TUBGCP3: variants seen among roughly 807,000 people sequenced by gnomAD.
The protein encoded by TUBGCP3 is gamma-tubulin complex component 3.
A neutral mutation model predicts 123.1 loss-of-function variants in TUBGCP3; 50 were observed. That is an observed-to-expected ratio of 0.41 (90% confidence interval 0.32 to 0.51). The LOEUF is 0.51. Among genes scored for constraint, TUBGCP3 ranks in the 20% least tolerant of loss-of-function variants. TUBGCP3 has a pLI of 0.36. For synonymous variants in TUBGCP3, 405 were observed against 413.9 expected (o/e 0.98, Z 0.26); for missense variants, 882 against 1,127.0 (o/e 0.78, Z 3.11).
In TUBGCP3 at chr13:112,545,399, C is replaced by T. The variant is rs1218040725; in HGVS notation, c.1335+300G>A. 6.0e-6 allele frequency: 2 copies of T among 332,992 alleles called. No homozygotes were observed. The highest frequency in any genetic ancestry group is 5.3e-5 in the East Asian group (1 of 18,762). The allele number at this position is 332,992 out of a possible 1,614,324, so 20.6% of individuals were successfully genotyped here. A position where few individuals can be genotyped will look rare whatever the true frequency, so the allele number is the denominator to read the frequency against. The stretch of plus-strand genomic sequence containing the variant: ...ATCTGCGATGATGACTGCCCCAAGA[C>T]TCAGGAGGCCTCGTCCTGTTTTGCC... On this transcript the variant is annotated intron_variant, in intron 11 of 21. Coordinates refer to ENST00000261965, the MANE Select transcript of TUBGCP3 (RefSeq NM_006322.6). This position sits in a 1 kb window ranked among gnomAD's most constrained non-coding sequence, Gnocchi z 4.1.
chr13:112,592,678 G>A (rs1882902615), upstream of TUBGCP3, among the ~76,000 whole-genome samples: 1 of 152,212 alleles, frequency 6.6e-6, no homozygotes, highest in African/African-American at 2.4e-5. The surrounding 1 kb of genome is among the most constrained non-coding windows in gnomAD (Gnocchi z 4.1). Context: ...TGAAAAGGAG[G>A]CTTTGGCAGA....
intron 3 of TUBGCP3, among the ~76,000 whole-genome samples, chr13:112,564,623 C>T (rs1880808103): frequency 6.6e-6 from 1 of 151,950 alleles, no homozygotes; most frequent in Admixed American, 6.6e-5. Context: ...TGAGACCAGC[C>T]TGGGGAACAC....
At chr13:112,569,947 T>C (rs9604361) in intron 1 of TUBGCP3, among the ~76,000 whole-genome samples, 68,265 of 151,486 alleles carry the variant, frequency 0.45, 19,746 homozygotes, top group African/African-American at 0.83. Flanking sequence ...GTGGGAGGAA[T>C]AAATGTCAAG....
At chr13:112,518,904 C>A (rs1594134855) in intron 16 of TUBGCP3, 71 bp downstream of exon 16, 1 of 1,399,492 alleles carries the variant, frequency 7.1e-7, no homozygotes, top group Non-Finnish European at 1.0e-6. Context: ...GAGAAGAAAG[C>A]CAATTTCAAA....
intron 20 of TUBGCP3, 81 bp from the exon 21 acceptor site, chr13:112,489,778 A>G: frequency 8.8e-7 from 1 of 1,135,590 alleles, no homozygotes. Flanking sequence ...CAGGTATGTG[A>G]GGAGCAGGAG....
intron 1 of TUBGCP3, among the ~76,000 whole-genome samples, chr13:112,579,857 CTT>C (rs1267261005): frequency 3.3e-5 from 5 of 152,236 alleles, no homozygotes; most frequent in Non-Finnish European, 5.9e-5. Flanking sequence ...AGAAAACTAA[CTT>C]AAGTTCACAT....
chr13:112,549,741 G>A (rs1879396234), intron 8 of TUBGCP3, among the ~76,000 whole-genome samples: 1 of 151,884 alleles, frequency 6.6e-6, no homozygotes, highest in African/African-American at 2.4e-5. Context: ...TGTAATCCTA[G>A]CACTTTGGGA....
At chr13:112,498,010 T>C (rs1880635206) in intron 20 of TUBGCP3, among the ~76,000 whole-genome samples, 1 of 152,158 alleles carries the variant, frequency 6.6e-6, no homozygotes, top group Admixed American at 6.6e-5. Flanking sequence ...TACAGAAATT[T>C]GGTTCATGTA....
At chr13:112,504,579 A>C (rs756247996) in intron 18 of TUBGCP3, 47 bp downstream of exon 18, 19 of 1,454,144 alleles carry the variant, frequency 1.3e-5, no homozygotes, top group Non-Finnish European at 1.7e-5. Flanking sequence ...GTAAAAGCCA[A>C]GACATGACTT....
chr13:112,555,690 G>A (rs547241831), intron 6 of TUBGCP3, among the ~76,000 whole-genome samples: 4 of 152,300 alleles, frequency 2.6e-5, no homozygotes, highest in Non-Finnish European at 5.9e-5. Context: ...GGTAGAAGAA[G>A]GTGACTTTTA....
chr13:112,561,914 G>C (rs1880536835), intron 3 of TUBGCP3, among the ~76,000 whole-genome samples: 1 of 152,218 alleles, frequency 6.6e-6, no homozygotes, highest in African/African-American at 2.4e-5. Flanking sequence ...TAAAGGAGGA[G>C]GCAGCATTTT....
intron 12 of TUBGCP3, 93 bp downstream of exon 12, chr13:112,527,281 C>G (rs1877212009): frequency 1.0e-6 from 1 of 965,370 alleles, no homozygotes; most frequent in Non-Finnish European, 1.6e-6. Flanking sequence ...TCTCAAAACG[C>G]ATGAAATTTT....
chr13:112,563,840 A>T (rs1880728522), intron 3 of TUBGCP3, among the ~76,000 whole-genome samples: 1 of 151,474 alleles, frequency 6.6e-6, no homozygotes, highest in South Asian at 2.1e-4. Context: ...GCGCCACTGC[A>T]CTCCAGCCTG....
At chr13:112,562,016 AC>A (rs1038289741) in intron 3 of TUBGCP3, among the ~76,000 whole-genome samples, 1 of 152,138 alleles carries the variant, frequency 6.6e-6, no homozygotes, top group African/African-American at 2.4e-5. Flanking sequence ...AAACAGGGAA[AC>A]CACAGGAGAC....
intron 1 of TUBGCP3, among the ~76,000 whole-genome samples, chr13:112,581,236 C>T (rs116541303): frequency 7.0e-4 from 107 of 152,272 alleles, no homozygotes; most frequent in African/African-American, 2.3e-3. Context: ...CAGACACAAG[C>T]GCACTGTGTC....
chr13:112,571,978 T>C (rs1881430717), intron 1 of TUBGCP3, among the ~76,000 whole-genome samples: 1 of 152,242 alleles, frequency 6.6e-6, no homozygotes, highest in Non-Finnish European at 1.5e-5. Flanking sequence ...CTTAAAGGAA[T>C]GCTGTGGCTG....
chr13:112,495,178 G>T (rs1327156663), intron 20 of TUBGCP3, among the ~76,000 whole-genome samples: 1 of 152,152 alleles, frequency 6.6e-6, no homozygotes, highest in East Asian at 1.9e-4. Context: ...TTTTCCATTA[G>T]TATTTCCATA....
chr13:112,516,498 G>A lies in TUBGCP3; in HGVS notation c.2028C>T (p.Ile676=), dbSNP rs1876142983. 1.2e-6 allele frequency: 2 copies of A among 1,613,908 alleles called. No individual in the cohort carries two copies. Among genetic ancestry groups the A allele is most frequent in the African/African-American group, 2.7e-5 (2 of 75,038 alleles). ...TGTGTCCCTTCCGTATGTCAGTGAGGATGTATTCCATCCGCTTCGCCCTCC... is the reference window on the plus strand; with the variant it reads ...TGTGTCCCTTCCGTATGTCAGTGAGAATGTATTCCATCCGCTTCGCCCTCC... ...FLWRAKRMEY[I]LTDIRKGHMC... is the part of the protein sequence containing the mutation. The change falls in exon 17 of 22, where the codon ATC becomes ATT. Residue 676 remains isoleucine, a synonymous_variant. Coordinates refer to ENST00000261965, the MANE Select transcript of TUBGCP3 (RefSeq NM_006322.6).
At chr13:112,521,986 T>C (rs1322123289) in intron 14 of TUBGCP3, 4 of 407,026 alleles carry the variant, frequency 9.8e-6, no homozygotes, top group Non-Finnish European at 1.3e-5. Flanking sequence ...ATATATTTTA[T>C]TTTTCAGCTT....
Sources: gnomAD v4.1 joint callset for allele counts (sites outside exome capture counted in the v4.1 genomes callset) on GRCh38, gnomAD v4.1.1 for gene constraint, Gnocchi (gnomAD v3.1) non-coding constraint, MANE v1.5 for transcripts, NCBI Gene and HGNC (gene_info 2026-07-23, HGNC 2026-07-21) for gene names.